CIB1: variants seen among roughly 807,000 people sequenced by gnomAD.
The protein encoded by CIB1 is calcium and integrin binding 1, also known as calcium and integrin-binding protein 1.
Under a neutral mutation model 25.0 loss-of-function variants are expected in CIB1, and 19 were observed. That is an observed-to-expected ratio of 0.76 (90% confidence interval 0.53 to 1.12). CIB1 has a LOEUF of 1.12. Among genes scored for constraint, CIB1 ranks in the 50% most tolerant of loss-of-function variants. The pLI is 0.00. For synonymous variants in CIB1, 104 were observed against 98.5 expected (o/e 1.06, Z -0.33); for missense variants, 236 against 242.6 (o/e 0.97, Z 0.18).
At chr15:90,257,675 C>A in the CIB1 span, 4 of 1,614,242 alleles carry the variant, frequency 2.5e-6, no homozygotes, top group Non-Finnish European at 3.4e-6. Flanking sequence ...ATGCTATCAA[C>A]AAACACAATG....
chr15:90,254,562 G>C, the CIB1 span, among the ~76,000 whole-genome samples: 19 of 136,998 alleles, frequency 1.4e-4, no homozygotes, highest in Admixed American at 1.5e-3. Context: ...GGCTGGGCAC[G>C]GTGGACGGTG....
chr15:90,265,696 G>C, the CIB1 span: 1 of 1,613,130 alleles, frequency 6.2e-7, no homozygotes, highest in South Asian at 1.1e-5. Context: ...GACTGCTGAA[G>C]GCTGGTTTGC....
At chr15:90,250,990 C>A in the CIB1 span, 2 of 1,441,468 alleles carry the variant, frequency 1.4e-6, no homozygotes, top group Non-Finnish European at 1.9e-6. Context: ...TTCCCTTTAG[C>A]CTACAAAAGA....
At chr15:90,264,288 T>G in the CIB1 span, among the ~76,000 whole-genome samples, 1 of 152,150 alleles carries the variant, frequency 6.6e-6, no homozygotes, top group Non-Finnish European at 1.5e-5. Context: ...ACTCACGGGC[T>G]CAAGTAATTC....
the CIB1 span, chr15:90,240,869 CA>C: frequency 7.3e-7 from 1 of 1,374,968 alleles, no homozygotes; most frequent in Admixed American, 1.8e-5. Flanking sequence ...GGGTTACCAT[CA>C]TGTGTTTTCA....
the CIB1 span, among the ~76,000 whole-genome samples, chr15:90,249,214 C>CAAAAAAA: frequency 2.4e-4 from 21 of 88,196 alleles, no homozygotes; most frequent in African/African-American, 9.7e-4. Flanking sequence ...GACCCCGTCT[C>CAAAAAAA]AAAAAAAAAA....
the CIB1 span, chr15:90,265,484 C>G: frequency 1.1e-4 from 145 of 1,378,526 alleles, no homozygotes; most frequent in Non-Finnish European, 7.5e-5. Flanking sequence ...TTTCCAGGAG[C>G]GTCCTGTACC....
the CIB1 span, chr15:90,262,670 G>C: frequency 1.4e-6 from 2 of 1,478,528 alleles, no homozygotes; most frequent in Admixed American, 5.2e-5. Context: ...GGAGAAAGAG[G>C]TGCCAGGGGT....
At chr15:90,231,759 G>C (rs1203054621) in intron 3 of CIB1, among the ~76,000 whole-genome samples, 1 of 152,258 alleles carries the variant, frequency 6.6e-6, no homozygotes, top group Non-Finnish European at 1.5e-5. Context: ...TACAACGTAA[G>C]TGTGGGCAGA....
At chr15:90,256,581 CTTTCTTTCTTTCT>C in the CIB1 span, among the ~76,000 whole-genome samples, 1 of 35,660 alleles carries the variant, frequency 2.8e-5, no homozygotes, top group Non-Finnish European at 5.4e-5. Context: ...TTCTTTCTTT[CTTTCTTTCTTTCT>C]TTCTTTCTTT....
chr15:90,241,148 A>G, the CIB1 span: 10 of 1,614,130 alleles, frequency 6.2e-6, no homozygotes, highest in Middle Eastern at 9.9e-4. Context: ...GCTACCGTCT[A>G]CGGGAGCTAC....
At chr15:90,258,665 C>T in the CIB1 span, 6 of 1,247,212 alleles carry the variant, frequency 4.8e-6, no homozygotes. Context: ...ATCTTAGACC[C>T]TCTAGTTAAT....
At chr15:90,242,749 G>A in the CIB1 span, 1 of 152,208 alleles carries the variant, frequency 6.6e-6, no homozygotes, top group African/African-American at 2.4e-5. Flanking sequence ...ACCCAGCCAG[G>A]ATGTATTCAT....
chr15:90,261,477 C>T, the CIB1 span, among the ~76,000 whole-genome samples: 2 of 151,412 alleles, frequency 1.3e-5, no homozygotes, highest in Admixed American at 1.3e-4. Flanking sequence ...TGCTAGCTTA[C>T]GAGTAGACCC....
intron 3 of CIB1, 59 bp from the exon 4 acceptor site, chr15:90,231,566 G>C: frequency 6.3e-7 from 1 of 1,579,422 alleles, no homozygotes; most frequent in Non-Finnish European, 8.6e-7. Flanking sequence ...AAGCCTACCA[G>C]AAACTTGAGA....
At chr15:90,260,667 A>C in the CIB1 span, among the ~76,000 whole-genome samples, 1 of 152,040 alleles carries the variant, frequency 6.6e-6, no homozygotes, top group African/African-American at 2.4e-5. Context: ...CCTGGCCAAC[A>C]TGGTGAAACC....
chr15:90,231,995 C>A (rs773334746), intron 3 of CIB1, among the ~76,000 whole-genome samples: 9 of 152,204 alleles, frequency 5.9e-5, no homozygotes, highest in Non-Finnish European at 1.3e-4. Flanking sequence ...CTTTGAACTT[C>A]CAAGATTATG....
chr15:90,230,782 C>A, intron 6 of CIB1, 152 bp downstream of exon 6: 2 of 765,540 alleles, frequency 2.6e-6, no homozygotes, highest in Non-Finnish European at 4.5e-6. Flanking sequence ...GCTGCCCCTG[C>A]CCGGGGCGAG....
the CIB1 span, chr15:90,240,799 G>A: frequency 1.4e-6 from 1 of 732,098 alleles, no homozygotes; most frequent in Non-Finnish European, 2.2e-6. Context: ...GGGTGACAGA[G>A]TGAGACTCCA....
Sources: gnomAD v4.1 joint callset for allele counts (sites outside exome capture counted in the v4.1 genomes callset) on GRCh38, gnomAD v4.1.1 for gene constraint, MANE v1.5 for transcripts, NCBI Gene and HGNC (gene_info 2026-07-23, HGNC 2026-07-21) for gene names.